Variants in DBT observed in about 807,000 individuals in gnomAD.
DBT encodes dihydrolipoamide branched chain transacylase E2.
DBT carries 40 observed loss-of-function variants against 51.3 expected under a neutral mutation model. The ratio of observed to expected loss-of-function variants is 0.78; its 90% confidence interval spans 0.61 to 1.02. The LOEUF (loss-of-function observed/expected upper bound fraction) is 1.02. Ranked by LOEUF, DBT falls within the 50% of genes least tolerant of loss-of-function variation. The pLI is 0.00. For synonymous variants in DBT, 181 were observed against 190.4 expected, an observed-to-expected ratio of 0.95 and a Z score of 0.41; for missense variants, 510 against 580.2, an observed-to-expected ratio of 0.88 and a Z score of 1.24.
chr1:100,234,708 T>C (rs925411751), intron 3 of DBT, among the ~76,000 whole-genome samples: 1 of 152,182 alleles, frequency 6.6e-6, no homozygotes, highest in Non-Finnish European at 1.5e-5. Context: ...TTGAAGTCCA[T>C]TGCTCTTTCC....
intron 2 of DBT, among the ~76,000 whole-genome samples, chr1:100,239,953 G>A (rs996507505): frequency 6.7e-6 from 1 of 150,236 alleles, no homozygotes; most frequent in Admixed American, 6.6e-5. Context: ...CACAAACTAA[G>A]CTCCCATGTA....
chr1:100,229,249 C>T (rs1345700322), intron 4 of DBT, among the ~76,000 whole-genome samples: 3 of 152,088 alleles, frequency 2.0e-5, no homozygotes, highest in Non-Finnish European at 4.4e-5. Flanking sequence ...CTCACTGCAA[C>T]CTCCACCTCC....
chr1:100,193,520 G>C lies in DBT; in HGVS notation c.*2735C>G, dbSNP rs539099579. The stretch of plus-strand genomic sequence containing the variant: ...GGAAGCATGAAGGTGGCTACTGTAT[G>C]CTTAGAACCATGATTGGTATGGTAG... On this transcript the variant is annotated 3_prime_UTR_variant, in exon 11 of 11. Coordinates refer to ENST00000370132, the MANE Select transcript of DBT (RefSeq NM_001918.5). 1.3e-5 allele frequency: 2 copies of C among 152,294 alleles called. No individual in the cohort carries two copies. Among genetic ancestry groups the C allele is most frequent in the African/African-American group, 4.8e-5 (2 of 41,566 alleles). The allele number at this position is 152,294 out of a possible 1,614,324, so 9.4% of individuals were successfully genotyped here.
In DBT at chr1:100,216,275, T is replaced by C. The variant is rs771266136; in HGVS notation, c.556-76A>G. The C allele has an allele frequency of 3.0e-6, 3 of 992,362 alleles. No homozygotes were observed. The South Asian group carries it at 4.0e-5, about 13-fold the overall frequency. The allele number at this position is 992,362 out of a possible 1,614,324, so 61.5% of individuals were successfully genotyped here. ...ATTAAAGTTTCAAAATGGAATTTGA[T>C]CAACTGACAGTAAAATATATCTGTC... On this transcript the variant is annotated intron_variant, in intron 5 of 10. Transcript: ENST00000370132.
At chr1:100,198,924 T>C (rs1661267583) in intron 10 of DBT, among the ~76,000 whole-genome samples, 1 of 152,166 alleles carries the variant, frequency 6.6e-6, no homozygotes, top group South Asian at 2.1e-4. Flanking sequence ...GCATTATAAG[T>C]GTAGAAAAGA....
At chr1:100,248,933 C>A (rs998008046) in intron 1 of DBT, 6 of 203,270 alleles carry the variant, frequency 3.0e-5, no homozygotes, top group Non-Finnish European at 4.4e-5. Flanking sequence ...ATCTGTCTCC[C>A]TCTCCTTTGT....
At chr1:100,215,039 T>A in intron 6 of DBT, 56 bp from the exon 7 acceptor site, 1 of 1,192,524 alleles carries the variant, frequency 8.4e-7, no homozygotes, top group Non-Finnish European at 1.2e-6. Flanking sequence ...TCTTCATCCT[T>A]TTTTTTTTTT....
intron 6 of DBT, 49 bp from the exon 7 acceptor site, chr1:100,215,032 T>G (rs1275766917): frequency 1.6e-6 from 2 of 1,247,358 alleles, no homozygotes; most frequent in Non-Finnish European, 1.1e-6. Flanking sequence ...TCAAATCTCT[T>G]CATCCTTTTT....
chr1:100,218,217 T>C (rs1401106315), intron 5 of DBT, among the ~76,000 whole-genome samples: 1 of 152,198 alleles, frequency 6.6e-6, no homozygotes, highest in Non-Finnish European at 1.5e-5. Flanking sequence ...AGATGCTTGA[T>C]ACCATAACCA....
intron 7 of DBT, chr1:100,213,294 T>G (rs1662266493): frequency 4.2e-6 from 6 of 1,427,714 alleles, no homozygotes; most frequent in Non-Finnish European, 4.6e-6. Flanking sequence ...CGGGCCGCCA[T>G]GGACCACAAG....
chr1:100,196,002 C>T lies in DBT; in HGVS notation c.*253G>A. Reference sequence around the variant, plus strand: ...TCTTGCCAGTTTCAAGCCATTGACACAAAAACATCAGCACCATATTAAGAA... The same window carrying T: ...TCTTGCCAGTTTCAAGCCATTGACATAAAAACATCAGCACCATATTAAGAA... On this transcript the variant is annotated 3_prime_UTR_variant, in exon 11 of 11. Transcript: ENST00000370132. The T allele has an allele frequency of 2.0e-6, 1 of 509,430 alleles. No individual in the cohort carries two copies. The highest frequency in any genetic ancestry group is 3.5e-6 in the Non-Finnish European group (1 of 284,020). The allele number at this position is 509,430 out of a possible 1,614,324, so 31.6% of individuals were successfully genotyped here.
intron 10 of DBT, among the ~76,000 whole-genome samples, chr1:100,201,226 A>G (rs1661417641): frequency 6.6e-6 from 1 of 152,120 alleles, no homozygotes; most frequent in Non-Finnish European, 1.5e-5. Flanking sequence ...GATGGAGGTG[A>G]AAAACACAGC....
At chr1:100,231,228 T>A (rs1162102150) in intron 3 of DBT, among the ~76,000 whole-genome samples, 2 of 152,226 alleles carry the variant, frequency 1.3e-5, no homozygotes, top group African/African-American at 4.8e-5. Flanking sequence ...TAAAGTGGTA[T>A]TTCCTTCTAT....
rs1430644725 is a variant in DBT at position 100,193,624 on chromosome 1, G to A, written c.*2631C>T. 1.3e-5 allele frequency: 2 copies of A among 149,932 alleles called. No individual in the cohort carries two copies. Among genetic ancestry groups the A allele is most frequent in the East Asian group, 3.9e-4 (2 of 5,178 alleles). The allele number at this position is 149,932 out of a possible 1,614,324, so 9.3% of individuals were successfully genotyped here. On this transcript the variant is annotated 3_prime_UTR_variant, in exon 11 of 11. Coordinates refer to ENST00000370132, the MANE Select transcript of DBT (RefSeq NM_001918.5). Reference sequence around the variant, plus strand: ...ATTTATTTATTTATTTATTTATTTAGAGACAGAGTCTCGCTCTATCACCAG... The same window carrying A: ...ATTTATTTATTTATTTATTTATTTAAAGACAGAGTCTCGCTCTATCACCAG...
intron 3 of DBT, among the ~76,000 whole-genome samples, chr1:100,234,958 T>G (rs1163461313): frequency 1.3e-5 from 2 of 152,162 alleles, no homozygotes; most frequent in Admixed American, 6.5e-5. Flanking sequence ...GGTGTTTCTA[T>G]TTTTCCAGAA....
intron 2 of DBT, among the ~76,000 whole-genome samples, chr1:100,240,274 T>G (rs1389944517): frequency 2.0e-5 from 3 of 152,204 alleles, no homozygotes; most frequent in African/African-American, 7.2e-5. Flanking sequence ...GTCAACAATT[T>G]ACCTTGACTG....
intron 7 of DBT, chr1:100,213,521 G>C: frequency 6.4e-7 from 1 of 1,550,392 alleles, no homozygotes; most frequent in Non-Finnish European, 8.9e-7. Flanking sequence ...GGTCGTGGGA[G>C]GCTGTCCCGT....
At chr1:100,236,231 T>C (rs1663862416) in intron 2 of DBT, among the ~76,000 whole-genome samples, 1 of 152,178 alleles carries the variant, frequency 6.6e-6, no homozygotes, top group Non-Finnish European at 1.5e-5. Flanking sequence ...CTGAGGAAGC[T>C]GGGACCACCC....
intron 10 of DBT, among the ~76,000 whole-genome samples, chr1:100,199,593 T>C (rs574158346): frequency 6.6e-6 from 1 of 152,296 alleles, no homozygotes; most frequent in African/African-American, 2.4e-5. Context: ...AATAGGTTTT[T>C]GGATTCCCAG....
Sources: allele counts gnomAD v4.1 joint callset (sites outside exome capture counted in the v4.1 genomes callset), GRCh38; gene constraint gnomAD v4.1.1; transcripts MANE v1.5; gene names NCBI Gene and HGNC (gene_info 2026-07-23, HGNC 2026-07-21).